CRIM1: variants seen among roughly 807,000 people sequenced by gnomAD.
CRIM1 encodes cysteine rich transmembrane BMP regulator 1.
CRIM1 carries 32 observed loss-of-function variants against 116.4 expected under a neutral mutation model. The ratio of observed to expected loss-of-function variants is 0.27; its 90% CI spans 0.21 to 0.37. The LOEUF (loss-of-function observed/expected upper bound fraction) is 0.37. CRIM1 is among the 10% of genes least tolerant of loss of function. CRIM1 has a pLI of 1.00. For missense variants in CRIM1, 1,331 were observed against 1,354.8 expected (o/e 0.98, Z 0.28); for synonymous variants, 590 against 509.2 (o/e 1.16, Z -2.13).
At chr2:36,373,411 T>C (rs1670073740) in intron 1 of CRIM1, among the ~76,000 whole-genome samples, 1 of 152,144 alleles carries the variant, frequency 6.6e-6, no homozygotes, top group South Asian at 2.1e-4. Context: ...CCATTTTCAG[T>C]GATACAGACA....
rs1214478621 is a variant in CRIM1 at position 36,513,710 on chromosome 2, G to A, written c.1935G>A (p.Val645=). 1.2e-6 allele frequency: 2 copies of A among 1,614,232 alleles called. No individual in the cohort carries two copies. The highest frequency in any genetic ancestry group is 1.7e-6 in the Non-Finnish European group (2 of 1,180,036). ...REMCALITCP[V]PACGNPTIHP... is the part of the protein sequence containing the mutation. ...TGTGTGCCCTGATCACCTGCCCGGT[G>A]CCTGCCTGTGGCAACCCCACCATTC... is the stretch of plus-strand genomic sequence containing the variant. The change falls in exon 11 of 17, where the codon GTG becomes GTA. Residue 645 remains valine (V), a synonymous_variant. Transcript: ENST00000280527.
chr2:36,472,334 A>G (rs536714994), intron 5 of CRIM1, among the ~76,000 whole-genome samples: 57 of 152,290 alleles, frequency 3.7e-4, no homozygotes, highest in African/African-American at 1.4e-3. Flanking sequence ...CCTTTTTATC[A>G]TATACTTTTC....
At chr2:36,458,417 G>C (rs1171853928) in intron 4 of CRIM1, among the ~76,000 whole-genome samples, 1 of 152,082 alleles carries the variant, frequency 6.6e-6, no homozygotes, top group Non-Finnish European at 1.5e-5. Flanking sequence ...CTTCCTTTAA[G>C]GTTTTTCTGG....
At position 36,522,257 on chromosome 2, in the gene CRIM1, C is replaced by A. The variant is rs1172478737; in HGVS notation, c.2372C>A (p.Ser791Tyr). 1.9e-6 allele frequency: 3 copies of A among 1,614,062 alleles called. No individual in the cohort carries two copies. The Admixed American group carries it at 5.0e-5, about 27-fold the overall frequency. The change falls in exon 13 of 17, where the codon TCT (serine) becomes TAT (tyrosine). Residue 791 changes from serine (S) to tyrosine (Y), a missense_variant. Physicochemically the swap from Ser to Tyr is moderately radical, Grantham distance 144 (BLOSUM62 -2). This residue lies in a region of CRIM1 where 358 missense variants were observed against 436.1 expected (regional missense o/e 0.82). Transcript: ENST00000280527. ...VISCFSESCP[S>Y]VSCERPVLRK... Reference sequence around the variant, plus strand: ...AGCTGTTTCTCTGAGTCCTGCCCTTCTGTATCCTGTGAAAGACCTGTCTTG... The same window carrying A: ...AGCTGTTTCTCTGAGTCCTGCCCTTATGTATCCTGTGAAAGACCTGTCTTG...
intron 14 of CRIM1, among the ~76,000 whole-genome samples, chr2:36,538,196 T>C (rs1234285297): frequency 2.0e-5 from 3 of 152,164 alleles, no homozygotes; most frequent in African/African-American, 7.2e-5. Flanking sequence ...GTTTCAAACC[T>C]AAGTCCTTCT....
intron 1 of CRIM1, among the ~76,000 whole-genome samples, chr2:36,359,532 T>C (rs1669083496): frequency 6.6e-6 from 1 of 152,134 alleles, no homozygotes; most frequent in Non-Finnish European, 1.5e-5. Context: ...GGCATGCTGG[T>C]CTAGTTGGCT....
chr2:36,402,443 G>C (rs145484980), intron 2 of CRIM1, among the ~76,000 whole-genome samples: 64 of 151,746 alleles, frequency 4.2e-4, no homozygotes, highest in African/African-American at 1.5e-3. Context: ...TGACCAGAAT[G>C]GGGGGGAGGG....
chr2:36,523,037 C>T (rs895113342), intron 13 of CRIM1, among the ~76,000 whole-genome samples: 2 of 151,606 alleles, frequency 1.3e-5, no homozygotes, highest in African/African-American at 4.8e-5. Context: ...TTGCTGCAAC[C>T]TCCGCCTCCT....
In CRIM1 at chr2:36,404,738, C is replaced by G. The variant is rs1672661978; in HGVS notation, c.505+7951C>G. Among the ~76,000 whole-genome samples the G allele has an allele frequency of 2.0e-5, 3 of 152,100 alleles. No homozygotes were observed. In the South Asian group the frequency reaches 6.2e-4, roughly 32 times the overall value. On this transcript the variant is annotated intron_variant, in intron 2 of 16. Coordinates refer to ENST00000280527, the MANE Select transcript of CRIM1 (RefSeq NM_016441.3). ...TGATTTTACATTGTATGGCTATGTT[C>G]TCTGAAATGAAACTAATTTTTACAC...
At chr2:36,465,889 C>CTTTTT (rs546998292) in intron 5 of CRIM1, among the ~76,000 whole-genome samples, 4 of 143,350 alleles carry the variant, frequency 2.8e-5, no homozygotes, top group African/African-American at 1.0e-4. Context: ...CTTTAGTATT[C>CTTTTT]TTTTTTTTTT....
chr2:36,453,081 C>T (rs766494968), intron 4 of CRIM1, among the ~76,000 whole-genome samples: 2 of 152,214 alleles, frequency 1.3e-5, no homozygotes, highest in Non-Finnish European at 2.9e-5. Context: ...ATACCAAAAG[C>T]AACCCAAATC....
At chr2:36,492,637 A>C (rs1158567427) in intron 7 of CRIM1, among the ~76,000 whole-genome samples, 1 of 152,220 alleles carries the variant, frequency 6.6e-6, no homozygotes, top group Non-Finnish European at 1.5e-5. Context: ...TTTGAAAAGC[A>C]TCTGTGTTAA....
Position 36,548,639 on chromosome 2 carries a change from G to T in CRIM1, c.3049G>T (p.Gly1017Cys). 1 of 1,612,098 alleles carries T rather than the reference G, an allele frequency of 6.2e-7. No homozygotes were observed. Among genetic ancestry groups the T allele is most frequent in the African/African-American group, 1.3e-5 (1 of 74,882 alleles). ...TGCAGAACCAGATGCAAGATTCAGT[G>T]GCTTCTACAGCATGCAAAAACAGAA... ...RIAEPDARFSGFYSMQKQNHL... is the reference protein window; with the variant it reads ...RIAEPDARFSCFYSMQKQNHL... Residue 1017 changes from glycine (G) to cysteine (C), a missense_variant, in exon 17 of 17, where the codon GGC becomes TGC. Gly to Cys is a radical substitution (Grantham distance 159, BLOSUM62 -3). Transcript: ENST00000280527.
chr2:36,363,115 G>A (rs1023846928), intron 1 of CRIM1, among the ~76,000 whole-genome samples: 3 of 151,008 alleles, frequency 2.0e-5, no homozygotes, highest in African/African-American at 7.3e-5. Context: ...TGGGAGAATT[G>A]CTTGAACCCA....
At chr2:36,491,211 C>T (rs1572858902) in intron 7 of CRIM1, among the ~76,000 whole-genome samples, 3 of 152,250 alleles carry the variant, frequency 2.0e-5, no homozygotes, top group African/African-American at 4.8e-5. Flanking sequence ...TTCTATAATG[C>T]TTTGTGTACT....
At chr2:36,381,916 A>AT (rs1670806779) in intron 1 of CRIM1, among the ~76,000 whole-genome samples, 1 of 152,200 alleles carries the variant, frequency 6.6e-6, no homozygotes, top group South Asian at 2.1e-4. Flanking sequence ...GTGGGTGCAC[A>AT]TGCAAGTGTG....
At position 36,546,998 on chromosome 2, in the gene CRIM1, C is replaced by T; in HGVS notation, c.2761C>T (p.Gln921Ter). 1 of 1,604,442 alleles carries T rather than the reference C, an allele frequency of 6.2e-7. No homozygotes were observed. The highest frequency in any genetic ancestry group is 8.5e-7 in the Non-Finnish European group (1 of 1,173,488). Residue 921 changes from glutamine to a stop codon, truncating the protein, a stop_gained, in exon 16 of 17, where the codon CAG (glutamine) becomes TAG (stop). Coordinates refer to ENST00000280527, the MANE Select transcript of CRIM1 (RefSeq NM_016441.3). LOFTEE classifies it high-confidence loss of function. ...VHLPRDMGHL[Q>*]VDYRDNRLHP... ...TTTTCTCCTAGATATGGGTCACCTC[C>T]AGGTAGATTACAGAGATAACAGGCT...
At chr2:36,429,398 G>T (rs137997182) in intron 2 of CRIM1, among the ~76,000 whole-genome samples, 4 of 152,278 alleles carry the variant, frequency 2.6e-5, no homozygotes, top group African/African-American at 7.2e-5. Flanking sequence ...CAGTTTGCCT[G>T]TTCCCTCCAT....
intron 7 of CRIM1, among the ~76,000 whole-genome samples, chr2:36,481,985 G>C (rs1470837356): frequency 6.6e-6 from 1 of 152,174 alleles, no homozygotes; most frequent in Non-Finnish European, 1.5e-5. Context: ...TCCACCTACT[G>C]TCTCCTCGCA....
Sources: gnomAD v4.1 joint callset for allele counts (sites outside exome capture counted in the v4.1 genomes callset) on GRCh38, gnomAD v4.1.1 for gene constraint, gnomAD v4.1.1 regional missense constraint, MANE v1.5 for transcripts, NCBI Gene and HGNC (gene_info 2026-07-23, HGNC 2026-07-21) for gene names.